Variants in AFF3 observed in about 807,000 individuals in gnomAD.
The protein encoded by AFF3 is ALF transcription elongation factor 3.
A neutral mutation model predicts 129.7 loss-of-function variants in AFF3; 32 were observed. The observed-to-expected ratio is 0.25, with a 90% confidence interval of 0.19 to 0.33. The LOEUF is 0.33. Ranked by LOEUF, AFF3 falls within the 10% of genes least tolerant of loss-of-function variation. The pLI is 1.00. For synonymous variants in AFF3, 644 were observed against 635.4 expected (o/e 1.01, Z -0.20); for missense variants, 1,373 against 1,592.0 (o/e 0.86, Z 2.34).
At position 100,075,882 on chromosome 2, in the gene AFF3, G is replaced by C. The variant is rs1032074484; in HGVS notation, c.53+28520C>G. Among the ~76,000 whole-genome samples, 7 of 152,190 alleles carry C rather than the reference G, an allele frequency of 4.6e-5. No individual in the cohort carries two copies. The South Asian group carries it at 1.5e-3, about 32-fold the overall frequency. On this transcript the variant is annotated intron_variant, in intron 4 of 24. Transcript: ENST00000672756. Reference sequence around the variant, plus strand: ...GGCATAGTGCTGTCCAAATGCTTTGGGGCCCGTAGGATGGAGCTTGGTGTG... The same window carrying C: ...GGCATAGTGCTGTCCAAATGCTTTGCGGCCCGTAGGATGGAGCTTGGTGTG...
intron 12 of AFF3, among the ~76,000 whole-genome samples, chr2:99,666,724 A>G (rs1409619513): frequency 2.0e-5 from 3 of 152,242 alleles, no homozygotes; most frequent in African/African-American, 4.8e-5. Flanking sequence ...TACATTATGA[A>G]AGCATTAATC....
intron 4 of AFF3, chr2:100,011,450 G>A: frequency 2.6e-6 from 2 of 780,752 alleles, no homozygotes; most frequent in East Asian, 2.4e-5. Context: ...TGGTCATTGA[G>A]AATGATTTCT....
chr2:99,922,625 C>G (rs1012822390), intron 7 of AFF3, among the ~76,000 whole-genome samples: 2 of 152,154 alleles, frequency 1.3e-5, no homozygotes, highest in Non-Finnish European at 2.9e-5. Flanking sequence ...TGGATATGTT[C>G]TGTGTCTTGA....
intron 7 of AFF3, among the ~76,000 whole-genome samples, chr2:99,870,659 C>T (rs1411192357): frequency 6.6e-6 from 1 of 152,196 alleles, no homozygotes; most frequent in Non-Finnish European, 1.5e-5. Flanking sequence ...GGGCAAGTTC[C>T]CCCAAGAAAA....
At chr2:99,634,040 G>A (rs191988971) in intron 13 of AFF3, among the ~76,000 whole-genome samples, 25 of 148,274 alleles carry the variant, frequency 1.7e-4, no homozygotes, top group East Asian at 1.6e-3. Context: ...TCAACCTCCC[G>A]AGTAGCTGGG....
intron 2 of AFF3, chr2:100,110,395 C>G (rs1209804968): frequency 6.6e-6 from 1 of 152,308 alleles, no homozygotes; most frequent in Non-Finnish European, 1.5e-5. Context: ...TAGCTTAGGT[C>G]TGGGGGAAGC....
intron 7 of AFF3, among the ~76,000 whole-genome samples, chr2:99,851,093 G>A (rs1337694603): frequency 6.6e-6 from 1 of 152,168 alleles, no homozygotes; most frequent in Non-Finnish European, 1.5e-5. Context: ...GGGTTCACAC[G>A]GCTACAGGTT....
intron 11 of AFF3, among the ~76,000 whole-genome samples, chr2:99,712,273 C>T (rs985256086): frequency 1.3e-5 from 2 of 152,184 alleles, no homozygotes; most frequent in African/African-American, 2.4e-5. Context: ...ATATTCTAGT[C>T]GCCTCTTGGC....
intron 4 of AFF3, among the ~76,000 whole-genome samples, chr2:100,033,464 A>G (rs1040928672): frequency 7.9e-5 from 12 of 152,282 alleles, no homozygotes; most frequent in Admixed American, 4.6e-4. Flanking sequence ...GTTACTTGCA[A>G]CTCTCTGAAA....
chr2:100,093,823 G>A (rs189136521), intron 4 of AFF3, among the ~76,000 whole-genome samples: 8 of 152,272 alleles, frequency 5.3e-5, no homozygotes, highest in East Asian at 1.9e-4. Context: ...CAGGCAGAAC[G>A]GACTTTATCC....
chr2:99,886,431 T>C (rs560137073), intron 7 of AFF3, among the ~76,000 whole-genome samples: 146 of 151,882 alleles, frequency 9.6e-4, no homozygotes, highest in Non-Finnish European at 1.8e-3. Context: ...TTTTTTTTTT[T>C]CAGGAATAAA....
intron 4 of AFF3, among the ~76,000 whole-genome samples, chr2:100,094,068 C>T (rs1469498873): frequency 6.6e-6 from 1 of 152,210 alleles, no homozygotes; most frequent in Non-Finnish European, 1.5e-5. Flanking sequence ...GTTGCTAGAG[C>T]TGTATCCTCC....
chr2:99,563,340 G>C (rs1298755548), intron 20 of AFF3, among the ~76,000 whole-genome samples: 1 of 151,654 alleles, frequency 6.6e-6, no homozygotes, highest in Non-Finnish European at 1.5e-5. Context: ...ACAGGTGCCG[G>C]CCACCACGCC....
intron 7 of AFF3, among the ~76,000 whole-genome samples, chr2:99,927,194 C>T (rs1249195132): frequency 6.6e-6 from 1 of 152,172 alleles, no homozygotes; most frequent in Non-Finnish European, 1.5e-5. Context: ...AAACAATTTT[C>T]CAAAGGTTTC....
chr2:99,893,596 G>A (rs1693730772), intron 7 of AFF3, among the ~76,000 whole-genome samples: 1 of 152,154 alleles, frequency 6.6e-6, no homozygotes, highest in Admixed American at 6.5e-5. Flanking sequence ...AACCCTGCCC[G>A]GCCCTGATCC....
chr2:99,557,218 G>A (rs1401538981), intron 22 of AFF3, among the ~76,000 whole-genome samples: 1 of 151,048 alleles, frequency 6.6e-6, no homozygotes, highest in Non-Finnish European at 1.5e-5. Flanking sequence ...AATAGCTTTT[G>A]ATGAAGGGTA....
At chr2:99,638,759 C>G (rs1575572270) in intron 13 of AFF3, among the ~76,000 whole-genome samples, 1 of 152,154 alleles carries the variant, frequency 6.6e-6, no homozygotes. Flanking sequence ...GCTCTTACCC[C>G]CCACCGCCTG....
intron 7 of AFF3, among the ~76,000 whole-genome samples, chr2:99,844,434 CTTTTTTTTTTTT>C (rs984233053): frequency 1.1e-5 from 1 of 92,464 alleles, no homozygotes; most frequent in South Asian, 4.1e-4. Flanking sequence ...TTTTTCTTTT[CTTTTTTTTTTTT>C]TTTTTTTTTG....
rs1454272268 is a variant in AFF3 at position 99,583,305 on chromosome 2, A to C, written c.2592-306T>G. Among the ~76,000 whole-genome samples the C allele has an allele frequency of 4.3e-4, 65 of 152,332 alleles. 2 individuals carry two copies. Among genetic ancestry groups the C allele is most frequent in the Admixed American group, 4.2e-3 (65 of 15,302 alleles). ...TTATCCAAGGATCTCAAAATACCCA[A>C]CAAACAACTTACTGTTTTCCTAACA... On this transcript the variant is annotated intron_variant, in intron 16 of 24. Transcript: ENST00000672756.
Sources: gnomAD v4.1 joint callset for allele counts (sites outside exome capture counted in the v4.1 genomes callset) on GRCh38, gnomAD v4.1.1 for gene constraint, MANE v1.5 for transcripts, NCBI Gene and HGNC (gene_info 2026-07-23, HGNC 2026-07-21) for gene names.